Variants in PTPN21 observed in about 807,000 individuals in gnomAD.
PTPN21 encodes tyrosine-protein phosphatase non-receptor type 21.
A neutral mutation model predicts 131.8 loss-of-function variants in PTPN21; 77 were observed. The observed-to-expected ratio is 0.58, with a 90% CI of 0.49 to 0.71. PTPN21 has a LOEUF of 0.71. Ranked by LOEUF, PTPN21 falls within the 30% of genes least tolerant of loss-of-function variation. PTPN21 has a pLI of 0.00. For missense variants in PTPN21, 1,552 were observed against 1,527.1 expected (o/e 1.02, Z -0.27); for synonymous variants, 715 against 621.3 (o/e 1.15, Z -2.24).
intron 2 of PTPN21, among the ~76,000 whole-genome samples, chr14:88,521,559 C>A: frequency 7.6e-6 from 1 of 132,104 alleles, no homozygotes; most frequent in African/African-American, 2.6e-5. Flanking sequence ...CCCGCCACCA[C>A]GCCCAACTTT....
At chr14:88,507,077 A>C (rs2078102877) in intron 4 of PTPN21, among the ~76,000 whole-genome samples, 1 of 152,136 alleles carries the variant, frequency 6.6e-6, no homozygotes, top group Admixed American at 6.6e-5. Flanking sequence ...ATAAATAAGA[A>C]GAACTTATTC....
chr14:88,552,486 T>C (rs1470645885), intron 1 of PTPN21: 1 of 152,204 alleles, frequency 6.6e-6, no homozygotes, highest in Non-Finnish European at 1.5e-5. Flanking sequence ...GCTGTATCTC[T>C]AATAAGGACC....
In PTPN21 at chr14:88,479,543, C is replaced by T. The variant is rs538563931; in HGVS notation, c.1888G>A (p.Ala630Thr). The change falls in exon 13 of 19, where the codon GCG (alanine) becomes ACG (threonine). Residue 630 changes from alanine (A) to threonine (T), a missense_variant. Coordinates refer to ENST00000556564, the MANE Select transcript of PTPN21 (RefSeq NM_007039.4). ...ATGCTGTTCCGTTTGTGCAGCTGCG[C>T]GTGGCGCGCGGCGGTGAGGGGCTCG... ...VSEPLTAARH[A>T]QLHKRNSIEV... 2 of 1,599,674 alleles carry T rather than the reference C, an allele frequency of 1.3e-6. No individual in the cohort carries two copies. Among genetic ancestry groups the T allele is most frequent in the East Asian group, 2.2e-5 (1 of 44,814 alleles).
At chr14:88,530,936 G>A (rs1347174482) in intron 2 of PTPN21, among the ~76,000 whole-genome samples, 1 of 151,954 alleles carries the variant, frequency 6.6e-6, no homozygotes, top group Non-Finnish European at 1.5e-5. Context: ...AGAACAAATG[G>A]ATTTAACAGA....
intron 3 of PTPN21, among the ~76,000 whole-genome samples, chr14:88,508,648 T>C (rs527605947): frequency 3.9e-5 from 6 of 152,212 alleles, no homozygotes; most frequent in Non-Finnish European, 7.3e-5. Flanking sequence ...GGAAAGCCAG[T>C]GGCTAATCTT....
chr14:88,502,778 A>C (rs909980716), intron 6 of PTPN21, among the ~76,000 whole-genome samples: 1 of 152,158 alleles, frequency 6.6e-6, no homozygotes, highest in African/African-American at 2.4e-5. Flanking sequence ...GGATTTAACC[A>C]ACTTGTAGGA....
chr14:88,485,362 G>A (rs1023391420), intron 11 of PTPN21, among the ~76,000 whole-genome samples: 4 of 152,132 alleles, frequency 2.6e-5, no homozygotes, highest in Non-Finnish European at 5.9e-5. Context: ...CAAGCCCTAT[G>A]ACTGATACCA....
intron 6 of PTPN21, among the ~76,000 whole-genome samples, chr14:88,503,053 C>CA (rs2078036060): frequency 7.1e-6 from 1 of 141,092 alleles, no homozygotes; most frequent in Non-Finnish European, 1.6e-5. Context: ...AAATCTTTTT[C>CA]TTTTTTTTTT....
At chr14:88,520,607 T>G (rs190740270) in intron 2 of PTPN21, among the ~76,000 whole-genome samples, 4 of 152,186 alleles carry the variant, frequency 2.6e-5, no homozygotes, top group African/African-American at 9.6e-5. Context: ...TGTTCTTTTC[T>G]TTTTTTAAAC....
chr14:88,554,987 G>A lies in PTPN21; in HGVS notation c.-539C>T, dbSNP rs2078905924. Among the ~76,000 whole-genome samples the A allele has an allele frequency of 1.1e-5, 1 of 88,672 alleles. No homozygotes were observed. Among genetic ancestry groups the A allele is most frequent in the Non-Finnish European group, 2.7e-5 (1 of 37,074 alleles). 58.2% of individuals were successfully genotyped at this position (88,672 alleles called of 152,430 possible). On this transcript the variant is annotated 5_prime_UTR_variant, in exon 1 of 19. Coordinates refer to ENST00000556564, the MANE Select transcript of PTPN21 (RefSeq NM_007039.4). ...ACGCGGGACGCGCGGCCGGAGCAGC[G>A]GGGCGGCCGGGCCCAGGCGTCCCTC...
rs778292578 is a variant in PTPN21 at position 88,473,768 on chromosome 14, A to AT, written c.2545dup (p.Ile849AsnfsTer5). ...TAGGGCAGCCAGTTTAAGAGGACCA[A>AT]TTTTTTTTGCATCTACTCGAGTCTT... On this transcript the variant is annotated frameshift_variant, in exon 14 of 19. Transcript: ENST00000556564. LOFTEE classifies it high-confidence loss of function. 14 of 1,607,004 alleles carry AT rather than the reference A, an allele frequency of 8.7e-6. No homozygotes were observed. The highest frequency in any genetic ancestry group is 6.7e-5 in the East Asian group (3 of 44,674).
At chr14:88,498,301 A>G (rs1392149234) in intron 8 of PTPN21, among the ~76,000 whole-genome samples, 1 of 141,184 alleles carries the variant, frequency 7.1e-6, no homozygotes, top group African/African-American at 3.1e-5. Flanking sequence ...AGAAAAAAGA[A>G]AAAAAAAAAC....
chr14:88,465,914 CAGA>C lies in PTPN21; in HGVS notation c.*2220_*2222del, dbSNP rs2077355789. 8 of 151,752 alleles carry C rather than the reference CAGA, an allele frequency of 5.3e-5. No homozygotes were observed. The highest frequency in any genetic ancestry group is 5.2e-4 in the Admixed American group (8 of 15,288). 9.4% of individuals were successfully genotyped at this position (151,752 alleles called of 1,614,324 possible). The stretch of plus-strand genomic sequence containing the variant: ...TAATATTAAACAGTAATTTTGCCCT[CAGA>C]AGTTTACTTATCAAATTATTACAAC... On this transcript the variant is annotated 3_prime_UTR_variant, in exon 19 of 19. Transcript: ENST00000556564.
At position 88,521,945 on chromosome 14, in the gene PTPN21, A is replaced by C. The variant is rs947626300; in HGVS notation, c.181-4684T>G. ...GCATTCTGTTAAAAAGCACATTCTG[A>C]AAGGAAAACTGTTAAAATATGCTAA... On this transcript the variant is annotated intron_variant, in intron 2 of 18. Transcript: ENST00000556564. Among the ~76,000 whole-genome samples, 3 of 152,180 alleles carry C rather than the reference A, an allele frequency of 2.0e-5. No individual in the cohort carries two copies. The East Asian group carries it at 5.8e-4, about 29-fold the overall frequency.
At position 88,469,757 on chromosome 14, in the gene PTPN21, A is replaced by G. The variant is rs533491488; in HGVS notation, c.3001-24T>C. The G allele has an allele frequency of 6.2e-7, 1 of 1,612,098 alleles. No individual in the cohort carries two copies. The highest frequency in any genetic ancestry group is 1.3e-5 in the African/African-American group (1 of 75,016). ...TCCTGTTAAAGATGAGCATGGTTAA[A>G]TGACTCGAGATCCGGCAATGGATGC... On this transcript the variant is annotated intron_variant, in intron 16 of 18. Transcript: ENST00000556564. The surrounding 1 kb of genome is among the most constrained non-coding windows in gnomAD (Gnocchi z 4.3).
intron 8 of PTPN21, among the ~76,000 whole-genome samples, chr14:88,498,344 A>T (rs1186188011): frequency 6.6e-6 from 1 of 152,214 alleles, no homozygotes; most frequent in African/African-American, 2.4e-5. Flanking sequence ...GAATGTTCTA[A>T]TTGAAGTAAC....
chr14:88,515,024 T>G (rs2078245667), intron 3 of PTPN21: 1 of 152,100 alleles, frequency 6.6e-6, no homozygotes, highest in African/African-American at 2.4e-5. Context: ...ATGGATGTAA[T>G]AGACAGAACT....
intron 2 of PTPN21, among the ~76,000 whole-genome samples, chr14:88,526,153 G>C (rs755803729): frequency 6.6e-6 from 1 of 152,074 alleles, no homozygotes; most frequent in Non-Finnish European, 1.5e-5. Context: ...AATAGAGAAT[G>C]ACTGCCTATG....
At chr14:88,489,277 G>C (rs1007765964) in intron 10 of PTPN21, among the ~76,000 whole-genome samples, 2 of 152,136 alleles carry the variant, frequency 1.3e-5, no homozygotes, top group Non-Finnish European at 1.5e-5. Context: ...TGCTTTGTAA[G>C]TTTCCTTTCT....
Sources: allele counts gnomAD v4.1 joint callset (sites outside exome capture counted in the v4.1 genomes callset), GRCh38; gene constraint gnomAD v4.1.1; non-coding constraint Gnocchi (gnomAD v3.1); transcripts MANE v1.5; gene names NCBI Gene and HGNC (gene_info 2026-07-23, HGNC 2026-07-21).